The following EXOC4 variants were observed in gnomAD, a reference collection of about 807,000 sequenced individuals.
EXOC4 encodes exocyst complex component 4.
Under a neutral mutation model 107.2 loss-of-function variants are expected in EXOC4, and 71 were observed. The ratio of observed to expected loss-of-function variants is 0.66; its 90% CI spans 0.55 to 0.81. The LOEUF (loss-of-function observed/expected upper bound fraction) is 0.81, where lower values mean the gene tolerates loss of function less well. EXOC4 is among the 30% of genes least tolerant of loss of function. EXOC4 has a pLI of 0.00. For missense variants in EXOC4, 1,108 were observed against 1,189.6 expected (o/e 0.93, Z 1.01); for synonymous variants, 456 against 441.2 (o/e 1.03, Z -0.42).
chr7:133,509,545 C>T (rs985000630), intron 9 of EXOC4, among the ~76,000 whole-genome samples: 3 of 88,332 alleles, frequency 3.4e-5, no homozygotes, highest in Non-Finnish European at 6.6e-5. Flanking sequence ...CTCTCCCTGG[C>T]ATTTGGATGT....
chr7:133,393,535 C>G (rs1311207612), intron 7 of EXOC4, among the ~76,000 whole-genome samples: 1 of 152,142 alleles, frequency 6.6e-6, no homozygotes, highest in Non-Finnish European at 1.5e-5. Context: ...ATGTTGAAAG[C>G]CAGTCCCCAA....
At chr7:133,720,162 C>T (rs1366381520) in intron 10 of EXOC4, among the ~76,000 whole-genome samples, 4 of 152,056 alleles carry the variant, frequency 2.6e-5, no homozygotes, top group Non-Finnish European at 5.9e-5. Context: ...TAATGCTAAG[C>T]GTGGGGTTCT....
chr7:133,371,113 A>C (rs1796366864), intron 6 of EXOC4, among the ~76,000 whole-genome samples: 1 of 152,186 alleles, frequency 6.6e-6, no homozygotes, highest in Non-Finnish European at 1.5e-5. Flanking sequence ...AGCTTTCACA[A>C]CACCTCGCTT....
At chr7:133,725,260 G>T (rs1471003291) in intron 10 of EXOC4, among the ~76,000 whole-genome samples, 1 of 152,206 alleles carries the variant, frequency 6.6e-6, no homozygotes, top group Non-Finnish European at 1.5e-5. Flanking sequence ...ATAGTATGTG[G>T]AAGCAAAGAG....
At chr7:134,032,649 T>C (rs909306592) in intron 17 of EXOC4, among the ~76,000 whole-genome samples, 1 of 152,212 alleles carries the variant, frequency 6.6e-6, no homozygotes, top group Non-Finnish European at 1.5e-5. Flanking sequence ...CCTCTCAGAC[T>C]GGACCTGGGG....
At chr7:133,351,301 A>T (rs919231719) in intron 5 of EXOC4, among the ~76,000 whole-genome samples, 1 of 152,016 alleles carries the variant, frequency 6.6e-6, no homozygotes, top group Admixed American at 6.6e-5. Context: ...GGTAGAATTG[A>T]CCAGTGAAGC....
At chr7:134,095,822 A>G in the EXOC4 span, among the ~76,000 whole-genome samples, 3 of 152,182 alleles carry the variant, frequency 2.0e-5, no homozygotes, top group Non-Finnish European at 2.9e-5. Context: ...AATTAACTCA[A>G]GATGCATTAA....
chr7:133,755,988 A>C (rs1427010814), intron 10 of EXOC4, among the ~76,000 whole-genome samples: 1 of 152,162 alleles, frequency 6.6e-6, no homozygotes, highest in Non-Finnish European at 1.5e-5. Context: ...ATACTAATGA[A>C]ATATTTGAAT....
intron 7 of EXOC4, among the ~76,000 whole-genome samples, chr7:133,403,387 A>C (rs531954824): frequency 3.9e-4 from 60 of 152,156 alleles, no homozygotes; most frequent in Middle Eastern, 3.4e-3. Context: ...CTGTGATCCT[A>C]CTGCATTTAT....
At chr7:133,520,026 A>G (rs1214260005) in intron 9 of EXOC4, among the ~76,000 whole-genome samples, 3 of 147,070 alleles carry the variant, frequency 2.0e-5, no homozygotes, top group African/African-American at 8.2e-5. Flanking sequence ...AAAAGTAAAT[A>G]TTTATTAAAT....
At chr7:134,011,962 C>T (rs1173826164) in intron 17 of EXOC4, among the ~76,000 whole-genome samples, 1 of 151,096 alleles carries the variant, frequency 6.6e-6, no homozygotes, top group Non-Finnish European at 1.5e-5. Flanking sequence ...AAGAGCGTAC[C>T]AGGAAAGAAC....
At chr7:133,334,237 C>G (rs925726361) in intron 5 of EXOC4, among the ~76,000 whole-genome samples, 1 of 152,172 alleles carries the variant, frequency 6.6e-6, no homozygotes, top group South Asian at 2.1e-4. Flanking sequence ...ATCTTTTATC[C>G]CATTCCCAGT....
chr7:133,374,094 A>G (rs796150272), intron 6 of EXOC4, among the ~76,000 whole-genome samples: 5 of 152,350 alleles, frequency 3.3e-5, no homozygotes, highest in African/African-American at 1.2e-4. Context: ...TGAGCTATCT[A>G]TTCTAGAGCT....
chr7:133,694,641 G>A (rs917052969), intron 10 of EXOC4, among the ~76,000 whole-genome samples: 7 of 152,010 alleles, frequency 4.6e-5, no homozygotes, highest in Non-Finnish European at 8.8e-5. Flanking sequence ...ATTTTGATAC[G>A]TGCTTACAAT....
intron 17 of EXOC4, among the ~76,000 whole-genome samples, chr7:134,044,260 C>G (rs1157160851): frequency 1.3e-5 from 2 of 152,154 alleles, no homozygotes; most frequent in African/African-American, 2.4e-5. Context: ...AAGGCCACAT[C>G]CCGCTCACTG....
intron 6 of EXOC4, among the ~76,000 whole-genome samples, chr7:133,364,394 C>T (rs1021421708): frequency 6.9e-6 from 1 of 143,924 alleles, no homozygotes; most frequent in Non-Finnish European, 1.5e-5. Context: ...TCCACTTTAG[C>T]CTCCCAAAAT....
chr7:133,758,611 A>C (rs1795966996), intron 10 of EXOC4, among the ~76,000 whole-genome samples: 1 of 152,254 alleles, frequency 6.6e-6, no homozygotes, highest in African/African-American at 2.4e-5. Flanking sequence ...AGATGCCATG[A>C]GGGCACTGGG....
intron 5 of EXOC4, among the ~76,000 whole-genome samples, chr7:133,344,199 C>A (rs572858840): frequency 6.6e-6 from 1 of 152,146 alleles, no homozygotes; most frequent in Non-Finnish European, 1.5e-5. Flanking sequence ...CATATCTTTT[C>A]TTAGTTTTTG....
At chr7:133,331,421 T>G (rs1197310566) in intron 5 of EXOC4, among the ~76,000 whole-genome samples, 1 of 151,694 alleles carries the variant, frequency 6.6e-6, no homozygotes, top group African/African-American at 2.4e-5. Flanking sequence ...GAAAAACTAC[T>G]TATATTCTGG....
Sources: gnomAD v4.1 joint callset for allele counts (sites outside exome capture counted in the v4.1 genomes callset) on GRCh38, gnomAD v4.1.1 for gene constraint, MANE v1.5 for transcripts, NCBI Gene and HGNC (gene_info 2026-07-23, HGNC 2026-07-21) for gene names.